The following LMO7 variants were observed in gnomAD, a reference collection of about 807,000 sequenced individuals.
LMO7 encodes the protein LIM domain only protein 7.
Under a neutral mutation model 206.5 loss-of-function variants are expected in LMO7, and 120 were observed. That is an observed-to-expected ratio of 0.58 (90% CI 0.50 to 0.68). LMO7 has a LOEUF of 0.68. Among genes scored for constraint, LMO7 ranks in the 30% least tolerant of loss-of-function variants. The pLI is 0.00. For synonymous variants in LMO7, 706 were observed against 681.5 expected (o/e 1.04, Z -0.56); for missense variants, 1,959 against 1,957.9 (o/e 1.00, Z -0.01).
intron 27 of LMO7, among the ~76,000 whole-genome samples, chr13:75,851,848 A>G (rs1428059136): frequency 5.3e-5 from 8 of 152,192 alleles, no homozygotes; most frequent in Admixed American, 1.3e-4. Flanking sequence ...CAGGTGCTAC[A>G]TAAATGAGAC....
intron 4 of LMO7, among the ~76,000 whole-genome samples, chr13:75,781,811 T>C (rs575912410): frequency 6.6e-6 from 1 of 152,322 alleles, no homozygotes; most frequent in Admixed American, 6.5e-5. Flanking sequence ...CTTTTTATGA[T>C]TGCCATTCTA....
At chr13:75,636,207 C>G (rs1025197622), upstream of LMO7, 19 of 792,126 alleles carry the variant, frequency 2.4e-5, no homozygotes, top group Admixed American at 6.4e-5. Context: ...GGCCGGGAGC[C>G]CGGGGAGCCA....
Position 75,621,795 on chromosome 13 carries a change from G to A in LMO7, c.102G>A (p.Arg34=), listed in dbSNP as rs200943279. Reference sequence around the variant, plus strand: ...AGCTCGGAGCTCTGGAAATTTGGAGGCAACTGATATGTGCTCATGTCTGCA... The same window carrying A: ...AGCTCGGAGCTCTGGAAATTTGGAGACAACTGATATGTGCTCATGTCTGCA... The change falls in exon 1 of 30, where the codon AGG becomes AGA. Residue 34 remains arginine (R), a synonymous_variant. Coordinates refer to the LMO7 transcript ENST00000341547. 56 of 1,613,202 alleles carry A rather than the reference G, an allele frequency of 3.5e-5. No individual in the cohort carries two copies. The South Asian group carries it at 6.2e-4, about 18-fold the overall frequency.
At chr13:75,821,100 T>C (rs2057535676) in intron 13 of LMO7, 77 bp from the exon 14 acceptor site, 1 of 1,099,978 alleles carries the variant, frequency 9.1e-7, no homozygotes, top group Admixed American at 2.4e-5. Flanking sequence ...GTCCGTTTCA[T>C]GCGTTGATTA....
intron 1 of LMO7, among the ~76,000 whole-genome samples, chr13:75,645,326 G>A (rs540098368): frequency 1.1e-4 from 17 of 152,262 alleles, no homozygotes; most frequent in Admixed American, 3.9e-4. Flanking sequence ...ATCTAGATGT[G>A]TGAACAGGGA....
At chr13:75,710,309 A>G (rs1285809066) in intron 1 of LMO7, among the ~76,000 whole-genome samples, 2 of 152,158 alleles carry the variant, frequency 1.3e-5, no homozygotes, top group Non-Finnish European at 2.9e-5. Flanking sequence ...TATGAACTTT[A>G]AAGTAGTTTT....
chr13:75,812,365 A>G (rs149786318), intron 11 of LMO7, among the ~76,000 whole-genome samples: 227 of 152,332 alleles, frequency 1.5e-3, no homozygotes, highest in African/African-American at 5.2e-3. Flanking sequence ...GAGAATTCCT[A>G]TAGTACCTGA....
intron 29 of LMO7, among the ~76,000 whole-genome samples, chr13:75,856,243 A>G (rs187434265): frequency 5.3e-4 from 80 of 152,216 alleles, no homozygotes; most frequent in South Asian, 3.5e-3. Context: ...CTTAAAGTCA[A>G]TCAGCAAATT....
intron 7 of LMO7, among the ~76,000 whole-genome samples, chr13:75,803,556 G>A (rs996885365): frequency 6.6e-6 from 1 of 152,160 alleles, no homozygotes; most frequent in South Asian, 2.1e-4. Context: ...TTTTAAGAAA[G>A]CAGATTACTA....
intron 1 of LMO7, among the ~76,000 whole-genome samples, chr13:75,659,851 C>T (rs1344805222): frequency 6.6e-6 from 1 of 151,666 alleles, no homozygotes; most frequent in Non-Finnish European, 1.5e-5. Flanking sequence ...GTGAATTGTC[C>T]CTGCATTTTG....
chr13:75,801,979 T>C (rs1342094852), intron 7 of LMO7, among the ~76,000 whole-genome samples: 1 of 152,084 alleles, frequency 6.6e-6, no homozygotes, highest in Non-Finnish European at 1.5e-5. Context: ...TCTTTCTCTT[T>C]CTCCCTCCCT....
At chr13:75,710,248 T>A (rs918833476) in intron 1 of LMO7, among the ~76,000 whole-genome samples, 23 of 152,158 alleles carry the variant, frequency 1.5e-4, no homozygotes, top group Non-Finnish European at 3.1e-4. Flanking sequence ...CTCCAGCTTT[T>A]TTCTTTTGGC....
chr13:75,754,733 A>T (rs1387174605), intron 3 of LMO7, among the ~76,000 whole-genome samples: 1 of 152,210 alleles, frequency 6.6e-6, no homozygotes, highest in East Asian at 1.9e-4. Context: ...GACATGTGCT[A>T]TAATGATATG....
intron 3 of LMO7, among the ~76,000 whole-genome samples, chr13:75,758,980 G>A (rs1246532979): frequency 1.3e-5 from 2 of 152,116 alleles, no homozygotes; most frequent in African/African-American, 4.8e-5. Flanking sequence ...AATTTACAAA[G>A]CAAAGAGATT....
At chr13:75,657,213 T>C (rs930773156) in intron 1 of LMO7, among the ~76,000 whole-genome samples, 2 of 152,172 alleles carry the variant, frequency 1.3e-5, no homozygotes, top group Non-Finnish European at 2.9e-5. Context: ...GTTTCAAAGA[T>C]AGCATGGCCA....
intron 3 of LMO7, among the ~76,000 whole-genome samples, chr13:75,738,924 C>T (rs2046189191): frequency 6.6e-6 from 1 of 152,228 alleles, no homozygotes; most frequent in Non-Finnish European, 1.5e-5. Context: ...AGCAAGGTTT[C>T]TCAGCCTTGG....
chr13:75,827,247 C>T (rs907696505), intron 15 of LMO7, among the ~76,000 whole-genome samples: 1 of 152,036 alleles, frequency 6.6e-6, no homozygotes, highest in African/African-American at 2.4e-5. Context: ...AATTTAAAGT[C>T]CTTATTGGTG....
chr13:75,658,653 G>A (rs958076669), intron 1 of LMO7, among the ~76,000 whole-genome samples: 2 of 151,994 alleles, frequency 1.3e-5, no homozygotes, highest in Admixed American at 6.6e-5. Flanking sequence ...GCGCGATCTC[G>A]GCTCACTGCA....
rs1566592000 is a variant in LMO7 at position 75,840,506 on chromosome 13, C to T, written c.3582+11C>T. On this transcript the variant is annotated intron_variant, in intron 22 of 30. Transcript: ENST00000377534. ...GACCGCCTACTGCAGGTAGCTCTGG[C>T]TCACGTGGACGGGTAGAAACTAGGT... The T allele has an allele frequency of 6.2e-7, 1 of 1,612,878 alleles. No homozygotes were observed. The highest frequency in any genetic ancestry group is 8.5e-7 in the Non-Finnish European group (1 of 1,179,522).
Sources: allele counts gnomAD v4.1 joint callset (sites outside exome capture counted in the v4.1 genomes callset), GRCh38; gene constraint gnomAD v4.1.1; transcripts MANE v1.5; gene names NCBI Gene and HGNC (gene_info 2026-07-23, HGNC 2026-07-21).